ZRANB3: variants seen among roughly 807,000 people sequenced by gnomAD.
The protein encoded by ZRANB3 is zinc finger RANBP2-type containing 3, also known as DNA annealing helicase and endonuclease ZRANB3.
A neutral mutation model predicts 133.8 loss-of-function variants in ZRANB3; 125 were observed. The observed-to-expected ratio is 0.93, with a 90% confidence interval of 0.81 to 1.08. The LOEUF is 1.08. Among genes scored for constraint, ZRANB3 ranks in the 50% least tolerant of loss-of-function variants. The pLI, the probability that ZRANB3 is intolerant of heterozygous loss-of-function variation, is 0.00. For synonymous variants in ZRANB3, 387 were observed against 432.7 expected, an observed-to-expected ratio of 0.89 and a Z score of 1.31; for missense variants, 1,229 against 1,275.5, an observed-to-expected ratio of 0.96 and a Z score of 0.56.
intron 3 of ZRANB3, 146 bp from the exon 4 acceptor site, chr2:135,353,774 G>A (rs1003954203): frequency 2.2e-6 from 1 of 461,644 alleles, no homozygotes; most frequent in East Asian, 4.6e-5. Flanking sequence ...GCTGATGCAG[G>A]TGGATCGCTT....
Position 135,255,912 on chromosome 2 carries a change from A to AT in ZRANB3, c.1539+9621dup, listed in dbSNP as rs760364915. ...GATATTTAAAGGTCAACTCATTAAAATTTTTTTTTTTTTTTTTTTGAGGCA... is the reference window on the plus strand; with the variant it reads ...GATATTTAAAGGTCAACTCATTAAAATTTTTTTTTTTTTTTTTTTTGAGGCA... On this transcript the variant is annotated intron_variant, in intron 12 of 20. Transcript: ENST00000264159. Among the ~76,000 whole-genome samples the AT allele has an allele frequency of 4.1e-3, 575 of 138,952 alleles. 2 individuals are homozygous for AT. The highest frequency in any genetic ancestry group is 7.4e-3 in the Middle Eastern group (2 of 272). The allele number at this position is 138,952 out of a possible 152,430, so 91.2% of individuals were successfully genotyped here. A position where few individuals can be genotyped will look rare whatever the true frequency, so the allele number is the denominator to read the frequency against.
intron 2 of ZRANB3, among the ~76,000 whole-genome samples, chr2:135,461,281 T>C (rs1333336561): frequency 6.6e-6 from 1 of 152,070 alleles, no homozygotes; most frequent in Admixed American, 6.6e-5. Context: ...GCCTTTAAGA[T>C]AAATCTGGCC....
intron 2 of ZRANB3, among the ~76,000 whole-genome samples, chr2:135,398,947 C>G (rs1347364139): frequency 6.6e-6 from 1 of 152,168 alleles, no homozygotes; most frequent in African/African-American, 2.4e-5. Flanking sequence ...ACACTGTGTT[C>G]AGTACACTTG....
chr2:135,474,981 A>G (rs1691442938), intron 2 of ZRANB3, among the ~76,000 whole-genome samples: 1 of 152,092 alleles, frequency 6.6e-6, no homozygotes, highest in Admixed American at 6.6e-5. Context: ...CCATTCACAC[A>G]CTGACTTTCA....
At chr2:135,453,483 C>T (rs914615889) in intron 2 of ZRANB3, among the ~76,000 whole-genome samples, 5 of 152,308 alleles carry the variant, frequency 3.3e-5, no homozygotes, top group Admixed American at 1.3e-4. Flanking sequence ...CCTTTTAAAA[C>T]GGAATGCCTT....
At chr2:135,410,967 G>A (rs1218572914) in intron 2 of ZRANB3, among the ~76,000 whole-genome samples, 1 of 152,176 alleles carries the variant, frequency 6.6e-6, no homozygotes, top group African/African-American at 2.4e-5. Flanking sequence ...GGCCAGGTGT[G>A]GTGGCTCATG....
intron 2 of ZRANB3, among the ~76,000 whole-genome samples, chr2:135,433,746 C>A (rs1159361598): frequency 6.6e-6 from 1 of 152,148 alleles, no homozygotes; most frequent in South Asian, 2.1e-4. Flanking sequence ...CCTGTAATAC[C>A]GGCACTTTGG....
chr2:135,292,998 C>A (rs1681841192), intron 8 of ZRANB3, among the ~76,000 whole-genome samples: 1 of 151,978 alleles, frequency 6.6e-6, no homozygotes, highest in African/African-American at 2.4e-5. Flanking sequence ...GTTACTGTAG[C>A]CTTGTAGTAT....
At chr2:135,216,086 C>A (rs990558132) in intron 17 of ZRANB3, among the ~76,000 whole-genome samples, 3 of 149,006 alleles carry the variant, frequency 2.0e-5, no homozygotes, top group African/African-American at 7.4e-5. Flanking sequence ...TGTCTCCATC[C>A]CTTTTTTTTT....
intron 2 of ZRANB3, among the ~76,000 whole-genome samples, chr2:135,453,098 C>T (rs1022704265): frequency 6.6e-6 from 1 of 152,242 alleles, no homozygotes; most frequent in Non-Finnish European, 1.5e-5. Flanking sequence ...GATTTCTGTG[C>T]ACCTGCAGGC....
rs532570461 is a variant in ZRANB3 at position 135,467,475 on chromosome 2, T to A, written c.161+36854A>T. 1.8e-4 allele frequency among the ~76,000 whole-genome samples: 28 copies of A among 152,346 alleles called. No homozygotes were observed. In the East Asian group the frequency reaches 4.6e-3, roughly 25 times the overall value. ...CCAATACAAACCTTAACTCTTCATC[T>A]GTACTATGCCCATCTCTGCCCTCCC... On this transcript the variant is annotated intron_variant, in intron 2 of 20. Coordinates refer to ENST00000264159, the MANE Select transcript of ZRANB3 (RefSeq NM_032143.4).
intron 2 of ZRANB3, among the ~76,000 whole-genome samples, chr2:135,427,016 A>G (rs1212700357): frequency 6.7e-6 from 1 of 149,382 alleles, no homozygotes; most frequent in Non-Finnish European, 1.5e-5. Context: ...ATTCAACATC[A>G]CTTCACATTA....
chr2:135,516,746 T>G (rs1693715018), intron 1 of ZRANB3, among the ~76,000 whole-genome samples: 2 of 152,152 alleles, frequency 1.3e-5, no homozygotes, highest in Non-Finnish European at 2.9e-5. Context: ...GACAATTATG[T>G]GTCTTGTGGT....
chr2:135,412,538 C>T (rs1338616377), intron 2 of ZRANB3, among the ~76,000 whole-genome samples: 1 of 151,946 alleles, frequency 6.6e-6, no homozygotes, highest in Non-Finnish European at 1.5e-5. Flanking sequence ...ATATTATTAT[C>T]TAATTAAGCC....
At chr2:135,428,547 CAACAGACTA>C (rs1191894644) in intron 2 of ZRANB3, among the ~76,000 whole-genome samples, 1 of 151,062 alleles carries the variant, frequency 6.6e-6, no homozygotes, top group Non-Finnish European at 1.5e-5. Context: ...AAGAAATAAT[CAACAGACTA>C]AACAGACAAC....
intron 6 of ZRANB3, among the ~76,000 whole-genome samples, chr2:135,318,210 TTTTG>T (rs1683347622): frequency 3.3e-5 from 4 of 119,970 alleles, no homozygotes; most frequent in Non-Finnish European, 4.9e-5. Flanking sequence ...TTACACACTA[TTTTG>T]TGTGTGTGTG....
At chr2:135,404,303 T>C (rs1687899939) in intron 2 of ZRANB3, among the ~76,000 whole-genome samples, 1 of 152,090 alleles carries the variant, frequency 6.6e-6, no homozygotes, top group South Asian at 2.1e-4. Context: ...ATGTGACAAA[T>C]GTACAAGTCT....
At chr2:135,250,173 AC>A (rs1016894876) in intron 12 of ZRANB3, among the ~76,000 whole-genome samples, 3 of 152,184 alleles carry the variant, frequency 2.0e-5, no homozygotes, top group Non-Finnish European at 4.4e-5. Flanking sequence ...TTCAGCAGAG[AC>A]TGGAGGCATT....
chr2:135,337,524 A>G (rs1391629377), intron 6 of ZRANB3, among the ~76,000 whole-genome samples: 5 of 152,202 alleles, frequency 3.3e-5, no homozygotes, highest in African/African-American at 9.6e-5. Flanking sequence ...GAGGGAAGGG[A>G]TATTAATTTG....
Sources: gnomAD v4.1 joint callset for allele counts (sites outside exome capture counted in the v4.1 genomes callset) on GRCh38, gnomAD v4.1.1 for gene constraint, MANE v1.5 for transcripts, NCBI Gene and HGNC (gene_info 2026-07-23, HGNC 2026-07-21) for gene names.